Variants in NCAM1 observed in about 807,000 individuals in gnomAD.
NCAM1 encodes the protein antigen recognized by monoclonal antibody 5.1H11.
Under a neutral mutation model 109.8 loss-of-function variants are expected in NCAM1, and 14 were observed. That is an observed-to-expected ratio of 0.13 (90% CI 0.08 to 0.20). The LOEUF is 0.20. Ranked by LOEUF, NCAM1 falls within the 10% of genes least tolerant of loss-of-function variation. The pLI, the probability that NCAM1 is intolerant of heterozygous loss-of-function variation, is 1.00. For missense variants in NCAM1, 774 were observed against 1,109.9 expected (o/e 0.70, Z 4.30); for synonymous variants, 418 against 442.9 (o/e 0.94, Z 0.70).
At chr11:113,229,244 T>A (rs1472933552) in intron 9 of NCAM1, among the ~76,000 whole-genome samples, 2 of 151,114 alleles carry the variant, frequency 1.3e-5, no homozygotes, top group African/African-American at 4.9e-5. Context: ...CAAGAAAAAA[T>A]CAAACAACCC....
intron 1 of NCAM1, among the ~76,000 whole-genome samples, chr11:113,200,296 G>T (rs184640681): frequency 6.6e-6 from 1 of 152,144 alleles, no homozygotes; most frequent in Non-Finnish European, 1.5e-5. Flanking sequence ...TGAGAGCCAC[G>T]GGAAGTGACA....
chr11:113,259,928 T>G (rs1439724555), intron 16 of NCAM1, among the ~76,000 whole-genome samples: 3 of 152,144 alleles, frequency 2.0e-5, no homozygotes, highest in African/African-American at 7.2e-5. Flanking sequence ...GGTCTTGAAC[T>G]CCTGACCTCA....
intron 16 of NCAM1, among the ~76,000 whole-genome samples, chr11:113,258,008 A>G (rs1945875841): frequency 6.6e-6 from 1 of 152,246 alleles, no homozygotes; most frequent in African/African-American, 2.4e-5. Context: ...TGGCTAGTGC[A>G]AACCCTTTTG....
chr11:113,096,999 C>G (rs543567907), intron 1 of NCAM1, among the ~76,000 whole-genome samples: 7 of 152,016 alleles, frequency 4.6e-5, no homozygotes, highest in Admixed American at 2.6e-4. Context: ...TTTGTTGAAC[C>G]CCCCCTGCCC....
chr11:113,215,475 C>T (rs756339112), intron 8 of NCAM1, among the ~76,000 whole-genome samples: 3 of 151,078 alleles, frequency 2.0e-5, no homozygotes, highest in Admixed American at 6.6e-5. Flanking sequence ...TAGATTTTCA[C>T]TCTTCTGCCT....
chr11:113,031,754 G>A (rs1226284280), intron 1 of NCAM1, among the ~76,000 whole-genome samples: 1 of 152,104 alleles, frequency 6.6e-6, no homozygotes, highest in Non-Finnish European at 1.5e-5. Flanking sequence ...GCTGAGGCAG[G>A]AAGGCAGAGC....
chr11:113,199,829 T>TAA (rs1555111558), intron 1 of NCAM1, among the ~76,000 whole-genome samples: 40 of 115,768 alleles, frequency 3.5e-4, no homozygotes, highest in Admixed American at 3.6e-4. Context: ...GAAACACCCT[T>TAA]AAAAAAAAAA....
In NCAM1 at chr11:112,999,533, G is replaced by A. The variant is rs139183338; in HGVS notation, c.52+37869G>A. On this transcript the variant is annotated intron_variant, in intron 1 of 19. Coordinates refer to ENST00000316851, the MANE Select transcript of NCAM1 (RefSeq NM_181351.5). ...CTCATTTTCAAATTATGGGGCCTTC[G>A]AGTCTGTCTGCATTTCATGTTTTGC... 8.6e-5 allele frequency among the ~76,000 whole-genome samples: 13 copies of A among 151,630 alleles called. No homozygotes were observed. The East Asian group carries it at 2.3e-3, about 27-fold the overall frequency.
intron 1 of NCAM1, among the ~76,000 whole-genome samples, chr11:113,054,540 A>C (rs546856360): frequency 6.6e-6 from 1 of 152,298 alleles, no homozygotes; most frequent in African/African-American, 2.4e-5. Flanking sequence ...ACACCTCAGA[A>C]ATTACTTATA....
Position 113,043,628 on chromosome 11 carries a change from G to A in NCAM1, c.52+81964G>A, listed in dbSNP as rs549043709. ...TGGGATTACAGGCATGAGCCACAGT[G>A]CCTGGCCTGAAATCCTACTTTTAAT... On this transcript the variant is annotated intron_variant, in intron 1 of 19. Transcript: ENST00000316851. Among the ~76,000 whole-genome samples the A allele has an allele frequency of 2.8e-3, 425 of 152,310 alleles. 1 individual carries two copies. The highest frequency in any genetic ancestry group is 9.8e-3 in the African/African-American group (409 of 41,544).
intron 1 of NCAM1, among the ~76,000 whole-genome samples, chr11:113,139,345 T>A (rs1555099987): frequency 2.6e-5 from 4 of 152,228 alleles, no homozygotes; most frequent in Non-Finnish European, 5.9e-5. Flanking sequence ...CACTCAACTA[T>A]TTAGCTTATG....
At chr11:113,032,943 A>G (rs2135360699) in intron 1 of NCAM1, among the ~76,000 whole-genome samples, 1 of 152,330 alleles carries the variant, frequency 6.6e-6, no homozygotes, top group South Asian at 2.1e-4. Flanking sequence ...TTTCCCCCTC[A>G]ATAAATTTTC....
chr11:113,272,420 G>A (rs1318076163), intron 19 of NCAM1, among the ~76,000 whole-genome samples: 1 of 152,158 alleles, frequency 6.6e-6, no homozygotes, highest in Non-Finnish European at 1.5e-5. Flanking sequence ...ATCTGTGACT[G>A]GAAGAACCCA....
intron 1 of NCAM1, among the ~76,000 whole-genome samples, chr11:112,968,550 T>G (rs1412398573): frequency 1.3e-5 from 2 of 152,236 alleles, no homozygotes; most frequent in Admixed American, 6.5e-5. Context: ...AAATATTGAC[T>G]GAGTACGTGC....
intron 1 of NCAM1, among the ~76,000 whole-genome samples, chr11:113,058,527 G>A (rs1953797421): frequency 6.6e-6 from 1 of 152,128 alleles, no homozygotes; most frequent in Admixed American, 6.6e-5. Flanking sequence ...CTCCCTGCAT[G>A]CCTGTATTTA....
chr11:113,042,054 T>G (rs150428338), intron 1 of NCAM1, among the ~76,000 whole-genome samples: 1 of 152,302 alleles, frequency 6.6e-6, no homozygotes, highest in Non-Finnish European at 1.5e-5. Context: ...GCCTCCCTCC[T>G]CTGACTTCCT....
At chr11:113,177,722 C>G (rs1943207958) in intron 1 of NCAM1, among the ~76,000 whole-genome samples, 1 of 152,184 alleles carries the variant, frequency 6.6e-6, no homozygotes, top group Non-Finnish European at 1.5e-5. Context: ...GCATGAGGCA[C>G]CGCACCTGGC....
rs190542635 is a variant in NCAM1, at chr11:113,177,515, C to T, written c.53-24864C>T. On this transcript the variant is annotated intron_variant, in intron 1 of 19. Transcript: ENST00000316851. ...GTGGCACGACCTCAGCTCACTGCAA[C>T]CTCTGCCTCCCGGGTTCAAGTGATT... 6.8e-3 allele frequency among the ~76,000 whole-genome samples: 1,034 copies of T among 152,286 alleles called. 6 individuals are homozygous for T. Among genetic ancestry groups the T allele is most frequent in the South Asian group, 0.031 (149 of 4,828 alleles).
At chr11:113,245,176 T>A (rs1945465081) in intron 14 of NCAM1, among the ~76,000 whole-genome samples, 1 of 152,144 alleles carries the variant, frequency 6.6e-6, no homozygotes, top group South Asian at 2.1e-4. Context: ...CACAACAGGT[T>A]GGGTGCCGTG....
Sources: gnomAD v4.1 joint callset for allele counts (sites outside exome capture counted in the v4.1 genomes callset) on GRCh38, gnomAD v4.1.1 for gene constraint, MANE v1.5 for transcripts, NCBI Gene and HGNC (gene_info 2026-07-23, HGNC 2026-07-21) for gene names.